Variants in TRIM51 observed in about 807,000 individuals in gnomAD.
TRIM51 encodes the protein tripartite motif-containing protein 51.
A neutral mutation model predicts 32.7 loss-of-function variants in TRIM51; 23 were observed. That is an observed-to-expected ratio of 0.70 (90% CI 0.51 to 1.00). TRIM51 has a LOEUF of 1.00. TRIM51 is among the 50% of genes least tolerant of loss of function. TRIM51 has a pLI of 0.00. For synonymous variants in TRIM51, 177 were observed against 181.9 expected (o/e 0.97, Z 0.22); for missense variants, 592 against 539.2 (o/e 1.10, Z -0.97).
At position 55,891,440 on chromosome 11, in the gene TRIM51, C is replaced by A. The variant is rs1398101952; in HGVS notation, c.1167C>A (p.Cys389Ter). The part of the protein sequence containing the change: ...LLGCVKEDTH[C>*]SLFTTSPLVV... ...GATGTGTTAAGGAGGACACTCACTG[C>A]AGTCTCTTTACCACCTCCCCACTTG... The change falls in exon 7 of 7, where the codon TGC becomes TGA. Residue 389 changes from cysteine to a stop codon, truncating the protein, a stop_gained. Transcript: ENST00000449290. LOFTEE classifies it low-confidence loss of function (END_TRUNC). The A allele has an allele frequency of 1.2e-6, 2 of 1,612,892 alleles. No homozygotes were observed. Among genetic ancestry groups the A allele is most frequent in the Admixed American group, 1.7e-5 (1 of 59,986 alleles).
At chr11:55,887,039 C>A (rs2134536581) in intron 3 of TRIM51, among the ~76,000 whole-genome samples, 1 of 152,026 alleles carries the variant, frequency 6.6e-6, no homozygotes, top group Admixed American at 6.6e-5. Context: ...AGCAAATGGT[C>A]ACCATGCAGA....
intron 6 of TRIM51, among the ~76,000 whole-genome samples, chr11:55,890,807 A>G (rs1854638041): frequency 6.6e-6 from 1 of 152,194 alleles, no homozygotes; most frequent in Admixed American, 6.5e-5. Flanking sequence ...TATTTTAATA[A>G]TAATGACCTT....
intron 3 of TRIM51, among the ~76,000 whole-genome samples, chr11:55,887,380 T>C (rs1854590506): frequency 1.3e-5 from 2 of 151,738 alleles, no homozygotes; most frequent in African/African-American, 2.4e-5. Context: ...ATTCCTCATA[T>C]ATCCATATAT....
chr11:55,883,574 T>C (rs570739506), intron 1 of TRIM51, among the ~76,000 whole-genome samples, 190 bp downstream of exon 1: 1 of 152,336 alleles, frequency 6.6e-6, no homozygotes, highest in East Asian at 1.9e-4. Context: ...CCAAAAGTGT[T>C]TGATATATTT....
intron 1 of TRIM51, among the ~76,000 whole-genome samples, chr11:55,884,233 A>G (rs541123654): frequency 1.4e-5 from 2 of 144,100 alleles, no homozygotes; most frequent in African/African-American, 5.1e-5. Context: ...ATCGTATACC[A>G]TACAGGTTTG....
At chr11:55,884,173 A>ATATATATATATATATATATATATATATG (rs1362045082) in intron 1 of TRIM51, among the ~76,000 whole-genome samples, 3 of 125,298 alleles carry the variant, frequency 2.4e-5, no homozygotes, top group African/African-American at 9.1e-5. Flanking sequence ...ATATATATAT[A>ATATATATATATATATATATATATATATG]TATATATATA....
intron 2 of TRIM51, 82 bp downstream of exon 2, chr11:55,885,921 G>A: frequency 1.3e-6 from 2 of 1,598,878 alleles, no homozygotes; most frequent in African/African-American, 1.3e-5. Flanking sequence ...ATTGGATGAT[G>A]CCATCTCTGT....
chr11:55,891,412 T>A lies in TRIM51; in HGVS notation c.1139T>A (p.Leu380His). The A allele has an allele frequency of 4.3e-6, 7 of 1,612,576 alleles. No homozygotes were observed. The highest frequency in any genetic ancestry group is 1.1e-5 in the South Asian group (1 of 91,066). Residue 380 changes from leucine to histidine, a missense_variant, in exon 7 of 7, where the codon CTT becomes CAT. By Grantham distance (99) the Leu-to-His change is moderately conservative. Transcript: ENST00000449290. ...GATGGAGAGGAGGGACTCTTTCTTC[T>A]TGGATGTGTTAAGGAGGACACTCAC... ...KIDGEEGLFLLGCVKEDTHCS... is the reference protein window; with the variant it reads ...KIDGEEGLFLHGCVKEDTHCS...
chr11:55,883,878 C>A (rs2134530929), intron 1 of TRIM51, among the ~76,000 whole-genome samples: 1 of 152,042 alleles, frequency 6.6e-6, no homozygotes, highest in Non-Finnish European at 1.5e-5. Flanking sequence ...GATTGTTTAG[C>A]AGATAACTGT....
chr11:55,889,831 G>T, intron 5 of TRIM51, 111 bp from the exon 6 acceptor site: 5 of 728,894 alleles, frequency 6.9e-6, no homozygotes, highest in Non-Finnish European at 1.2e-5. Context: ...TTTGGAATTA[G>T]CAAATGTGTG....
intron 5 of TRIM51, among the ~76,000 whole-genome samples, chr11:55,889,401 G>A (rs1020791223): frequency 1.3e-5 from 2 of 152,062 alleles, no homozygotes; most frequent in African/African-American, 2.4e-5. Flanking sequence ...AAGTATTTTA[G>A]CAGTGAAAAG....
Position 55,886,118 on chromosome 11 carries a change from T to A in TRIM51, c.412-5T>A, listed in dbSNP as rs1446709254. 6.2e-7 allele frequency: 1 copy of A among 1,612,794 alleles called. No individual in the cohort carries two copies. Among genetic ancestry groups the A allele is most frequent in the East Asian group, 2.2e-5 (1 of 44,854 alleles). On this transcript the variant is annotated splice_region_variant and splice_polypyrimidine_tract_variant and intron_variant, in intron 2 of 6. Coordinates refer to ENST00000449290, the MANE Select transcript of TRIM51 (RefSeq NM_032681.4). ...CTTGTGCTTCAATTCGTGGCTGTTT[T>A]GCAGGAGGAGCTCCTAAAAAAAATG...
intron 6 of TRIM51, among the ~76,000 whole-genome samples, chr11:55,890,480 A>T (rs530737045): frequency 4.5e-4 from 68 of 152,306 alleles, no homozygotes; most frequent in African/African-American, 1.6e-3. Flanking sequence ...TTTTATTGAT[A>T]TAATGTAAAA....
At chr11:55,887,897 G>A in intron 3 of TRIM51, 135 bp from the exon 4 acceptor site, 1 of 701,120 alleles carries the variant, frequency 1.4e-6, no homozygotes, top group Non-Finnish European at 2.5e-6. Context: ...AAATAAAAGG[G>A]ATAAAATTTT....
chr11:55,883,470 C>G (rs1476570292), intron 1 of TRIM51, 86 bp downstream of exon 1: 1 of 152,156 alleles, frequency 6.6e-6, no homozygotes. Flanking sequence ...ACTGTCTAAA[C>G]TTACCGAATG....
intron 4 of TRIM51, 36 bp downstream of exon 4, chr11:55,888,298 A>G (rs1215389268): frequency 6.8e-7 from 1 of 1,471,156 alleles, no homozygotes; most frequent in South Asian, 1.1e-5. Flanking sequence ...GATGTTGAAC[A>G]TTCACATACA....
chr11:55,891,581 T>C lies in TRIM51; in HGVS notation c.1308T>C (p.Asn436=), dbSNP rs766481645. ...DQSSLIYTIP[N]CSFSPPLRPI... is the part of the protein sequence containing the mutation. The stretch of plus-strand genomic sequence containing the variant: ...GTTCCCTGATATACACCATCCCCAA[T>C]TGCTCCTTCTCACCTCCTCTCAGGC... Residue 436 remains asparagine, a synonymous_variant, in exon 7 of 7, where the codon AAT becomes AAC. Transcript: ENST00000449290. The C allele has an allele frequency of 6.2e-7, 1 of 1,613,402 alleles. No homozygotes were observed. Among genetic ancestry groups the C allele is most frequent in the African/African-American group, 1.3e-5 (1 of 74,882 alleles).
intron 6 of TRIM51, 62 bp downstream of exon 6, chr11:55,890,101 G>T (rs535722038): frequency 7.1e-4 from 847 of 1,192,890 alleles, no homozygotes; most frequent in Non-Finnish European, 9.6e-4. Context: ...AATCATGGGG[G>T]TAGTATTTTA....
At chr11:55,887,405 AAT>A (rs1327115025) in intron 3 of TRIM51, among the ~76,000 whole-genome samples, 1 of 151,660 alleles carries the variant, frequency 6.6e-6, no homozygotes, top group Non-Finnish European at 1.5e-5. Context: ...ATATTTGAGA[AAT>A]ATATATATGA....
Sources: gnomAD v4.1 joint callset for allele counts (sites outside exome capture counted in the v4.1 genomes callset) on GRCh38, gnomAD v4.1.1 for gene constraint, MANE v1.5 for transcripts, NCBI Gene and HGNC (gene_info 2026-07-23, HGNC 2026-07-21) for gene names.